The following CADPS variants were observed in gnomAD, a reference collection of about 807,000 sequenced individuals.
CADPS encodes calcium dependent secretion activator, also known as calcium-dependent secretion activator 1.
CADPS carries 57 observed loss-of-function variants against 167.3 expected under a neutral mutation model. The observed-to-expected ratio is 0.34, with a 90% CI of 0.28 to 0.42. The LOEUF is 0.42. CADPS is among the 20% of genes least tolerant of loss of function. CADPS has a pLI of 1.00. For synonymous variants in CADPS, 676 were observed against 635.3 expected (o/e 1.06, Z -0.96); for missense variants, 1,414 against 1,738.1 (o/e 0.81, Z 3.32).
At chr3:62,511,467 A>C (rs1286691359) in intron 17 of CADPS, among the ~76,000 whole-genome samples, 1 of 152,126 alleles carries the variant, frequency 6.6e-6, no homozygotes, top group Non-Finnish European at 1.5e-5. Flanking sequence ...CCCTCTTATA[A>C]GGGATTTTGA....
chr3:62,804,257 G>A (rs1466404343), intron 1 of CADPS, among the ~76,000 whole-genome samples: 1 of 152,226 alleles, frequency 6.6e-6, no homozygotes, highest in African/African-American at 2.4e-5. Context: ...GAAGAAACTG[G>A]GGAGCTGGGA....
chr3:62,442,857 T>C (rs1223126079), intron 27 of CADPS, among the ~76,000 whole-genome samples: 1 of 152,086 alleles, frequency 6.6e-6, no homozygotes, highest in Non-Finnish European at 1.5e-5. Context: ...TAACCCCTCC[T>C]AGGATTGATT....
chr3:62,781,326 T>C (rs887327077), intron 1 of CADPS, among the ~76,000 whole-genome samples: 3 of 152,162 alleles, frequency 2.0e-5, no homozygotes, highest in African/African-American at 7.2e-5. Context: ...CAGGAAGAAC[T>C]TGAGGCCATG....
chr3:62,531,888 G>T (rs1055813060), intron 13 of CADPS, among the ~76,000 whole-genome samples: 1 of 152,200 alleles, frequency 6.6e-6, no homozygotes, highest in African/African-American at 2.4e-5. Context: ...TCAGAACATG[G>T]ATCTTTTCCT....
chr3:62,462,663 C>T (rs2059501025), intron 26 of CADPS, among the ~76,000 whole-genome samples: 3 of 152,192 alleles, frequency 2.0e-5, no homozygotes, highest in South Asian at 2.1e-4. Flanking sequence ...CATGCCAGAG[C>T]GTCGGCACTA....
chr3:62,803,278 C>T (rs1343846454), intron 1 of CADPS, among the ~76,000 whole-genome samples: 2 of 151,352 alleles, frequency 1.3e-5, no homozygotes, highest in Non-Finnish European at 1.5e-5. Context: ...TATTAAAGAG[C>T]CTGTAAGACA....
chr3:62,586,523 C>G (rs1332257719), intron 7 of CADPS, among the ~76,000 whole-genome samples: 1 of 152,164 alleles, frequency 6.6e-6, no homozygotes, highest in Non-Finnish European at 1.5e-5. Flanking sequence ...AAAAAATCAG[C>G]CCACTTAGAT....
At chr3:62,505,456 G>A (rs983590478) in intron 17 of CADPS, among the ~76,000 whole-genome samples, 7 of 152,058 alleles carry the variant, frequency 4.6e-5, no homozygotes, top group Admixed American at 1.3e-4. Flanking sequence ...ACTAGATCAC[G>A]TGCTTATCCA....
chr3:62,574,153 G>A (rs1050331415), intron 8 of CADPS, among the ~76,000 whole-genome samples: 2 of 152,118 alleles, frequency 1.3e-5, no homozygotes, highest in East Asian at 1.9e-4. Context: ...ACAGGAGTCC[G>A]CTAACTGGCC....
chr3:62,463,365 G>T (rs550055584), intron 26 of CADPS, among the ~76,000 whole-genome samples: 17 of 152,158 alleles, frequency 1.1e-4, no homozygotes, highest in Admixed American at 3.3e-4. Flanking sequence ...TGCTCAAAGT[G>T]AAGACACAAA....
At chr3:62,624,411 A>C (rs188009199) in intron 6 of CADPS, among the ~76,000 whole-genome samples, 4 of 152,272 alleles carry the variant, frequency 2.6e-5, no homozygotes, top group African/African-American at 9.6e-5. Flanking sequence ...TTCAGAAAAA[A>C]AGATGCCAAA....
chr3:62,585,377 T>G lies in CADPS; in HGVS notation c.1438-53A>C, dbSNP rs923036416. On this transcript the variant is annotated intron_variant, in intron 7 of 29. Coordinates refer to ENST00000383710, the MANE Select transcript of CADPS (RefSeq NM_003716.4). The stretch of plus-strand genomic sequence containing the variant: ...GAAAAGAGAAGCACCATTATGTTTT[T>G]ATAGATTAGAAACTTTGATTCTGAG... The G allele has an allele frequency of 3.2e-6, 5 of 1,563,940 alleles. No homozygotes were observed. The African/African-American group carries it at 6.9e-5, about 22-fold the overall frequency.
At chr3:62,525,608 C>A (rs2071889957) in intron 13 of CADPS, among the ~76,000 whole-genome samples, 1 of 149,030 alleles carries the variant, frequency 6.7e-6, no homozygotes, top group South Asian at 2.1e-4. Context: ...ACAGAGCTAT[C>A]CCCACTACAC....
intron 26 of CADPS, among the ~76,000 whole-genome samples, chr3:62,450,030 G>A (rs1362551633): frequency 6.6e-6 from 1 of 152,114 alleles, no homozygotes; most frequent in Non-Finnish European, 1.5e-5. Flanking sequence ...ATCATTACTG[G>A]TAATATTGGC....
chr3:62,525,130 T>A (rs116402059), intron 13 of CADPS, among the ~76,000 whole-genome samples: 1,925 of 152,198 alleles, frequency 0.013, 33 homozygotes, highest in African/African-American at 0.044. Context: ...GAAAAACACA[T>A]TATCTGATGG....
In CADPS at chr3:62,564,547, G is replaced by A. The variant is rs571878826; in HGVS notation, c.1644+6325C>T. ...TACAGTTTGTACAGTGCTAAAATGG[G>A]GAGAAATGTCTCAGAAATTATTTGA... On this transcript the variant is annotated intron_variant, in intron 9 of 29. Coordinates refer to ENST00000383710, the MANE Select transcript of CADPS (RefSeq NM_003716.4). Among the ~76,000 whole-genome samples, 14 of 151,970 alleles carry A rather than the reference G, an allele frequency of 9.2e-5. No homozygotes were observed. The South Asian group carries it at 2.9e-3, about 32-fold the overall frequency.
chr3:62,746,991 A>C (rs963491404), intron 3 of CADPS, among the ~76,000 whole-genome samples: 5 of 152,234 alleles, frequency 3.3e-5, no homozygotes, highest in Non-Finnish European at 5.9e-5. Context: ...AAGCAGGACA[A>C]CTATAAAGTC....
chr3:62,451,084 T>C (rs1481283782), intron 26 of CADPS, among the ~76,000 whole-genome samples: 2 of 152,146 alleles, frequency 1.3e-5, no homozygotes, highest in Non-Finnish European at 2.9e-5. Flanking sequence ...AAAAAATGTA[T>C]GAGGGACTTG....
At chr3:62,741,808 CA>C (rs1466983005) in intron 3 of CADPS, among the ~76,000 whole-genome samples, 1 of 152,068 alleles carries the variant, frequency 6.6e-6, no homozygotes, top group Non-Finnish European at 1.5e-5. Flanking sequence ...AAAGAGCATC[CA>C]AATAGGAAGA....
Sources: allele counts gnomAD v4.1 joint callset (sites outside exome capture counted in the v4.1 genomes callset), GRCh38; gene constraint gnomAD v4.1.1; transcripts MANE v1.5; gene names NCBI Gene and HGNC (gene_info 2026-07-23, HGNC 2026-07-21).